Variants in WDSUB1 observed in about 807,000 individuals in gnomAD.
WDSUB1 encodes the protein WD repeat, SAM and U-box domain-containing protein 1.
In WDSUB1, 49 loss-of-function variants were observed where a neutral mutation model predicts 53.9. That is an observed-to-expected ratio of 0.91 (90% CI 0.72 to 1.15). WDSUB1 has a LOEUF of 1.15. Among genes scored for constraint, WDSUB1 ranks in the 50% most tolerant of loss-of-function variants. The probability of loss-of-function intolerance (pLI) is 0.00; values close to 1 mark genes in which losing one functional copy is unlikely to be tolerated. For missense variants in WDSUB1, 514 were observed against 562.0 expected, an observed-to-expected ratio of 0.91 and a Z score of 0.86; for synonymous variants, 194 against 200.6, an observed-to-expected ratio of 0.97 and a Z score of 0.28.
chr2:159,286,269 A>G, intron 1 of WDSUB1: 1 of 153,302 alleles, frequency 6.5e-6, no homozygotes, highest in Non-Finnish European at 1.5e-5. Flanking sequence ...TGCACGAAAG[A>G]CCAGGAATGT....
At chr2:159,237,825 A>C (rs1435702618) in intron 10 of WDSUB1, among the ~76,000 whole-genome samples, 5 of 152,286 alleles carry the variant, frequency 3.3e-5, no homozygotes, top group Non-Finnish European at 5.9e-5. Flanking sequence ...AGGAAACCCC[A>C]AGAAAACCAT....
At chr2:159,253,021 TA>T (rs977487940) in intron 9 of WDSUB1, among the ~76,000 whole-genome samples, 1 of 152,246 alleles carries the variant, frequency 6.6e-6, no homozygotes, top group Admixed American at 6.5e-5. Flanking sequence ...AACTCCAAGA[TA>T]CGTAGCAATC....
At chr2:159,278,384 T>C (rs527411652) in intron 3 of WDSUB1, among the ~76,000 whole-genome samples, 1 of 152,336 alleles carries the variant, frequency 6.6e-6, no homozygotes, top group South Asian at 2.1e-4. Context: ...CAAGGCCTAC[T>C]CTGTATCAGG....
chr2:159,264,606 A>G (rs2061298208), intron 5 of WDSUB1, among the ~76,000 whole-genome samples: 1 of 151,972 alleles, frequency 6.6e-6, no homozygotes, highest in Non-Finnish European at 1.5e-5. Context: ...ATAACTGGAG[A>G]GTGTGGGGCA....
intron 10 of WDSUB1, among the ~76,000 whole-genome samples, chr2:159,244,671 T>C (rs1054383796): frequency 6.6e-6 from 1 of 152,202 alleles, no homozygotes; most frequent in South Asian, 2.1e-4. Flanking sequence ...ACACGTCTTA[T>C]CTCAGCACTT....
At chr2:159,282,338 G>A (rs552192652) in intron 2 of WDSUB1, among the ~76,000 whole-genome samples, 12 of 152,046 alleles carry the variant, frequency 7.9e-5, no homozygotes, top group East Asian at 5.8e-4. Context: ...GACTACAGGC[G>A]CCTGCCACCA....
intron 5 of WDSUB1, among the ~76,000 whole-genome samples, chr2:159,268,977 C>T (rs2061396760): frequency 6.6e-6 from 1 of 151,822 alleles, no homozygotes; most frequent in Non-Finnish European, 1.5e-5. Flanking sequence ...GCATAGGAAA[C>T]AGGAAAAAAC....
intron 5 of WDSUB1, among the ~76,000 whole-genome samples, chr2:159,270,631 G>C (rs2061427878): frequency 6.6e-6 from 1 of 152,288 alleles, no homozygotes; most frequent in Non-Finnish European, 1.5e-5. Context: ...GGATATTCAC[G>C]TAGAAAGGAA....
chr2:159,262,830 C>T (rs2061254463), intron 5 of WDSUB1, among the ~76,000 whole-genome samples: 1 of 152,092 alleles, frequency 6.6e-6, no homozygotes, highest in Admixed American at 6.5e-5. Flanking sequence ...AAATTGAAGC[C>T]AAATCAACAA....
At chr2:159,268,319 C>G (rs1183733087) in intron 5 of WDSUB1, among the ~76,000 whole-genome samples, 1 of 147,168 alleles carries the variant, frequency 6.8e-6, no homozygotes, top group African/African-American at 2.4e-5. Flanking sequence ...ATTCTGTCAG[C>G]TAACCTGTCC....
chr2:159,247,291 G>T (rs1423155707), intron 10 of WDSUB1, among the ~76,000 whole-genome samples: 1 of 152,114 alleles, frequency 6.6e-6, no homozygotes, highest in Non-Finnish European at 1.5e-5. Context: ...TAATAATGTG[G>T]ACAGTGGACA....
chr2:159,247,574 C>T (rs956935464), intron 10 of WDSUB1, among the ~76,000 whole-genome samples: 4 of 151,696 alleles, frequency 2.6e-5, no homozygotes, highest in Non-Finnish European at 4.4e-5. Flanking sequence ...ACACATCTAA[C>T]GAAATGTGTC....
intron 10 of WDSUB1, among the ~76,000 whole-genome samples, chr2:159,247,078 CT>C (rs1442242430): frequency 6.6e-6 from 1 of 152,188 alleles, no homozygotes; most frequent in Admixed American, 6.5e-5. Context: ...CTAAGATTCA[CT>C]TTTAATAAAT....
chr2:159,264,413 GA>G (rs1415903970), intron 5 of WDSUB1, among the ~76,000 whole-genome samples: 1 of 152,234 alleles, frequency 6.6e-6, no homozygotes, highest in Non-Finnish European at 1.5e-5. Flanking sequence ...TGCTGAGCAA[GA>G]GGGGGCTGTT....
intron 5 of WDSUB1, among the ~76,000 whole-genome samples, chr2:159,261,296 C>A (rs187830553): frequency 1.1e-3 from 172 of 152,090 alleles, no homozygotes; most frequent in African/African-American, 4.0e-3. Context: ...AATATCACAC[C>A]ATTTTATATA....
At chr2:159,261,386 T>C (rs1232542521) in intron 5 of WDSUB1, among the ~76,000 whole-genome samples, 2 of 152,220 alleles carry the variant, frequency 1.3e-5, no homozygotes, top group African/African-American at 4.8e-5. Flanking sequence ...AACGGATAAC[T>C]GTAATGCATT....
intron 3 of WDSUB1, 44 bp from the exon 4 acceptor site, chr2:159,275,682 G>GA: frequency 7.1e-7 from 1 of 1,410,512 alleles, no homozygotes; most frequent in Non-Finnish European, 9.5e-7. Flanking sequence ...GTAAAACACT[G>GA]AAACCCCCCC....
At chr2:159,249,048 C>T (rs949471331) in intron 9 of WDSUB1, among the ~76,000 whole-genome samples, 2 of 152,164 alleles carry the variant, frequency 1.3e-5, no homozygotes, top group African/African-American at 4.8e-5. Context: ...CAGCTAATAG[C>T]TCATTTTAAA....
rs371428187 is a variant in WDSUB1 at position 159,240,390 on chromosome 2, G to A, written c.1274-4200C>T. Among the ~76,000 whole-genome samples, 19 of 152,282 alleles carry A rather than the reference G, an allele frequency of 1.2e-4. No individual in the cohort carries two copies. In the East Asian group the frequency reaches 3.5e-3, roughly 28 times the overall value. ...AATTCTCCTGCCTATAGACTTAGGA[G>A]TGGAATTGTAATAACTTTCTGAAGA... On this transcript the variant is annotated intron_variant, in intron 10 of 10. Transcript: ENST00000359774.
Sources: allele counts gnomAD v4.1 joint callset (sites outside exome capture counted in the v4.1 genomes callset), GRCh38; gene constraint gnomAD v4.1.1; transcripts MANE v1.5; gene names NCBI Gene and HGNC (gene_info 2026-07-23, HGNC 2026-07-21).